HS6ST2: variants seen among roughly 807,000 people sequenced by gnomAD.
HS6ST2 encodes heparan sulfate 6-O-sulfotransferase 2, also known as heparan-sulfate 6-O-sulfotransferase 2.
In HS6ST2, 17 loss-of-function variants were observed where a neutral mutation model predicts 33.0. The ratio of observed to expected loss-of-function variants is 0.52; its 90% CI spans 0.35 to 0.77. The LOEUF (loss-of-function observed/expected upper bound fraction) is 0.77. Ranked by LOEUF, HS6ST2 falls within the 30% of genes least tolerant of loss-of-function variation. The probability of loss-of-function intolerance (pLI) is 0.01; values close to 1 mark genes in which losing one functional copy is unlikely to be tolerated. For missense variants in HS6ST2, 519 were observed against 551.7 expected, an observed-to-expected ratio of 0.94 and a Z score of 0.59; for synonymous variants, 248 against 237.1, an observed-to-expected ratio of 1.05 and a Z score of -0.42.
At chrX:132,771,600 A>G (rs1424112181) in intron 2 of HS6ST2, among the ~76,000 whole-genome samples, 1 of 111,883 alleles carries the variant, frequency 8.9e-6, no homozygotes, top group Admixed American at 9.6e-5. Context: ...GCTCAAAAGA[A>G]GGAAATGGGG....
intron 2 of HS6ST2, among the ~76,000 whole-genome samples, chrX:132,890,073 T>G (rs1311515504): frequency 8.9e-6 from 1 of 111,894 alleles, no homozygotes; most frequent in African/African-American, 3.2e-5. Context: ...CATATTGTTT[T>G]TGGCCTAGAA....
At chrX:132,882,051 G>C (rs1363319120) in intron 2 of HS6ST2, among the ~76,000 whole-genome samples, 1 of 111,681 alleles carries the variant, frequency 9.0e-6, no homozygotes, top group African/African-American at 3.3e-5. Context: ...TTTGATGTCA[G>C]GTAGCGTGAT....
intron 4 of HS6ST2, among the ~76,000 whole-genome samples, chrX:132,646,542 A>AG (rs2148176470): frequency 9.3e-6 from 1 of 107,394 alleles, no homozygotes; most frequent in East Asian, 2.9e-4. Context: ...TCTTAAAAAA[A>AG]AAAAAAAAAA....
chrX:132,642,148 T>C (rs978154890), intron 4 of HS6ST2, among the ~76,000 whole-genome samples: 4 of 110,652 alleles, frequency 3.6e-5, no homozygotes, highest in African/African-American at 1.3e-4. Flanking sequence ...AGGCCGTCAA[T>C]AAATATTAAG....
intron 2 of HS6ST2, among the ~76,000 whole-genome samples, chrX:132,768,368 G>A (rs2064868943): frequency 9.3e-6 from 1 of 107,698 alleles, no homozygotes; most frequent in Admixed American, 1.0e-4. Flanking sequence ...CAGGGTGAGT[G>A]GGATCTACCT....
chrX:132,664,657 T>A (rs1210265110), intron 4 of HS6ST2, among the ~76,000 whole-genome samples: 1 of 111,852 alleles, frequency 8.9e-6, no homozygotes, highest in African/African-American at 3.3e-5. Context: ...TCAACATTTA[T>A]AGTATTGTTT....
intron 3 of HS6ST2, among the ~76,000 whole-genome samples, chrX:132,704,201 G>A (rs751497773): frequency 2.7e-5 from 3 of 111,900 alleles, no homozygotes; most frequent in African/African-American, 9.7e-5. Flanking sequence ...CTTTCCCCTT[G>A]GCACGTGCGT....
intron 2 of HS6ST2, among the ~76,000 whole-genome samples, chrX:132,829,199 T>C (rs7065710): frequency 6.0e-4 from 44 of 73,291 alleles, no homozygotes; most frequent in Middle Eastern, 8.5e-3. Flanking sequence ...TATATATATA[T>C]ACATACTTAT....
At chrX:132,794,507 C>T (rs777825301) in intron 2 of HS6ST2, among the ~76,000 whole-genome samples, 1 of 110,306 alleles carries the variant, frequency 9.1e-6, no homozygotes, top group Non-Finnish European at 1.9e-5. Flanking sequence ...GATCCTCTCA[C>T]CTCAGTTTCC....
intron 3 of HS6ST2, among the ~76,000 whole-genome samples, chrX:132,705,750 C>T (rs2064184575): frequency 9.0e-6 from 1 of 111,652 alleles, no homozygotes; most frequent in Admixed American, 9.5e-5. Context: ...GGATTGGACC[C>T]GAGGTCAGTT....
intron 2 of HS6ST2, among the ~76,000 whole-genome samples, chrX:132,900,361 G>A (rs1010224308): frequency 9.0e-6 from 1 of 111,614 alleles, no homozygotes; most frequent in African/African-American, 3.3e-5. Flanking sequence ...ATAAAAATGT[G>A]CATAAATATT....
chrX:132,806,754 A>G (rs1166258461), intron 2 of HS6ST2, among the ~76,000 whole-genome samples: 1 of 110,469 alleles, frequency 9.1e-6, no homozygotes, highest in Non-Finnish European at 1.9e-5. Flanking sequence ...TTTTAAAAAT[A>G]TGAAAATCAT....
intron 2 of HS6ST2, among the ~76,000 whole-genome samples, chrX:132,758,545 T>C (rs2030970123): frequency 8.9e-6 from 1 of 111,858 alleles, no homozygotes; most frequent in Non-Finnish European, 1.9e-5. Flanking sequence ...GGTCATGGTT[T>C]CCTAAGAAGA....
At chrX:132,668,179 C>T (rs1476065635) in intron 4 of HS6ST2, 1 of 111,711 alleles carries the variant, frequency 9.0e-6, no homozygotes, top group Non-Finnish European at 1.9e-5. Context: ...ATTACAAATT[C>T]ACCTTTCATT....
chrX:132,906,591 C>T lies in HS6ST2; in HGVS notation c.947+50217G>A, dbSNP rs1452109343. Among the ~76,000 whole-genome samples the T allele has an allele frequency of 2.7e-5, 3 of 111,548 alleles. No individual in the cohort carries two copies. In the East Asian group the frequency reaches 8.5e-4, roughly 32 times the overall value. Reference sequence around the variant, plus strand: ...TGGGGCCTGATGGGAGGTGTTTGGGCCATGAGGGTAGATCCCTCGTGAATG... The same window carrying T: ...TGGGGCCTGATGGGAGGTGTTTGGGTCATGAGGGTAGATCCCTCGTGAATG... On this transcript the variant is annotated intron_variant, in intron 2 of 4. Transcript: ENST00000370833.
chrX:132,958,632 G>A, upstream of HS6ST2: 1 of 1,115,553 alleles, frequency 9.0e-7, no homozygotes, highest in Non-Finnish European at 1.2e-6. Context: ...AGGGTACTAA[G>A]GATCACGAGC....
chrX:132,904,613 G>A lies in HS6ST2; in HGVS notation c.947+52195C>T, dbSNP rs989554833. On this transcript the variant is annotated intron_variant, in intron 2 of 4. Coordinates refer to ENST00000370833, the MANE Select transcript of HS6ST2 (RefSeq NM_001394073.1). ...GGCCGTAATGCAGTGGCACAACCTC[G>A]AACTCCTGGGCTCAAGGCACCCTCC... is the stretch of plus-strand genomic sequence containing the variant. Among the ~76,000 whole-genome samples the A allele has an allele frequency of 2.8e-5, 3 of 105,947 alleles. 1 individual carries two copies. The highest frequency in any genetic ancestry group is 1.0e-4 in the African/African-American group (3 of 28,845). 92.0% of individuals were successfully genotyped at this position (105,947 alleles called of 115,157 possible).
At chrX:132,631,809 A>G (rs1053508842) in intron 4 of HS6ST2, among the ~76,000 whole-genome samples, 1 of 111,130 alleles carries the variant, frequency 9.0e-6, no homozygotes, top group African/African-American at 3.3e-5. Flanking sequence ...GGTAAATATT[A>G]AGAGTGCACC....
rs1016067666 is a variant in HS6ST2, at chrX:132,628,058, G to C, written c.*165C>G. The C allele has an allele frequency of 9.2e-6, 4 of 432,683 alleles. No homozygotes were observed. Among genetic ancestry groups the C allele is most frequent in the Non-Finnish European group, 1.6e-5 (4 of 249,577 alleles). The allele number at this position is 432,683 out of a possible 1,213,427, so 35.7% of individuals were successfully genotyped here. On this transcript the variant is annotated 3_prime_UTR_variant, in exon 5 of 5. Transcript: ENST00000370833. ...TTGAGATTTGTTTTACCTACACACA[G>C]TATAACACTGAATTGAAAGGCAACT...
Sources: gnomAD v4.1 joint callset for allele counts (sites outside exome capture counted in the v4.1 genomes callset) on GRCh38, gnomAD v4.1.1 for gene constraint, MANE v1.5 for transcripts, NCBI Gene and HGNC (gene_info 2026-07-23, HGNC 2026-07-21) for gene names.